The following CAPN2 variants were observed in gnomAD, a reference collection of about 807,000 sequenced individuals.
CAPN2 encodes calpain 2.
Under a neutral mutation model 102.3 loss-of-function variants are expected in CAPN2, and 92 were observed. The ratio of observed to expected loss-of-function variants is 0.90; its 90% CI spans 0.76 to 1.07. CAPN2 has a LOEUF of 1.07. Among genes scored for constraint, CAPN2 ranks in the 50% least tolerant of loss-of-function variants. CAPN2 has a pLI of 0.00. For missense variants in CAPN2, 800 were observed against 909.4 expected, an observed-to-expected ratio of 0.88 and a Z score of 1.55; for synonymous variants, 340 against 355.4, an observed-to-expected ratio of 0.96 and a Z score of 0.49.
intron 18 of CAPN2, chr1:223,770,727 G>A (rs1661451960): frequency 3.1e-5 from 13 of 413,094 alleles, no homozygotes; most frequent in Middle Eastern, 6.6e-4. Flanking sequence ...TGCCCTCTGT[G>A]CCTTCTTGAA....
In CAPN2 at chr1:223,754,705, A is replaced by G. The variant is rs1438325605; in HGVS notation, c.1136-775A>G. ...TAGGTTTTGGAAGTAAAGAGGGCAG[A>G]GACATCAGGAGCAGGGCAAGGGAAT... On this transcript the variant is annotated intron_variant, in intron 9 of 20. Coordinates refer to ENST00000295006, the MANE Select transcript of CAPN2 (RefSeq NM_001748.5). The surrounding 1 kb of genome is among the most constrained non-coding windows in gnomAD (Gnocchi z 4.7). Among the ~76,000 whole-genome samples the G allele has an allele frequency of 3.3e-5, 5 of 152,352 alleles. No individual in the cohort carries two copies. Among genetic ancestry groups the G allele is most frequent in the Non-Finnish European group, 7.3e-5 (5 of 68,028 alleles).
intron 2 of CAPN2, among the ~76,000 whole-genome samples, chr1:223,722,848 A>C (rs1362328904): frequency 6.6e-6 from 1 of 152,124 alleles, no homozygotes; most frequent in Middle Eastern, 3.4e-3. Flanking sequence ...GTTTTCCCCT[A>C]AGGTTCTTTC....
chr1:223,740,422 G>T (rs1660585554), intron 2 of CAPN2, among the ~76,000 whole-genome samples: 1 of 152,162 alleles, frequency 6.6e-6, no homozygotes, highest in African/African-American at 2.4e-5. Context: ...CCACCCTACT[G>T]CTGTGTCCAG....
At chr1:223,741,359 C>T (rs1277823604) in intron 2 of CAPN2, among the ~76,000 whole-genome samples, 1 of 148,856 alleles carries the variant, frequency 6.7e-6, no homozygotes, top group African/African-American at 2.5e-5. Flanking sequence ...GCCTCTACAT[C>T]TCCTTCAACT....
intron 6 of CAPN2, 147 bp downstream of exon 6, chr1:223,749,269 G>C (rs2102800627): frequency 1.5e-6 from 1 of 669,790 alleles, no homozygotes; most frequent in Non-Finnish European, 2.6e-6. Flanking sequence ...CCGCGCGGGA[G>C]GAGAAGGGCG....
intron 17 of CAPN2, 106 bp downstream of exon 17, chr1:223,770,015 T>A: frequency 2.0e-6 from 2 of 985,698 alleles, no homozygotes; most frequent in East Asian, 2.6e-5. Context: ...TCCAAGGGGA[T>A]TGGGATTTTA....
At chr1:223,764,325 C>T in intron 15 of CAPN2, 118 bp downstream of exon 15, 1 of 809,214 alleles carries the variant, frequency 1.2e-6, no homozygotes, top group Non-Finnish European at 2.2e-6. Flanking sequence ...ACCCTCCATC[C>T]CCTCCAAGAA....
Position 223,759,715 on chromosome 1 carries a change from T to A in CAPN2, c.1529+234T>A, listed in dbSNP as rs181834524. On this transcript the variant is annotated intron_variant, in intron 12 of 20. Coordinates refer to ENST00000295006, the MANE Select transcript of CAPN2 (RefSeq NM_001748.5). The surrounding 1 kb of genome is among the most constrained non-coding windows in gnomAD (Gnocchi z 4.6). ...ATATTTTTGGTTGGAAAGGGGTGGC[T>A]GTACAGTGAATTGCAGGGTCTAATT... Among the ~76,000 whole-genome samples, 13 of 152,362 alleles carry A rather than the reference T, an allele frequency of 8.5e-5. No homozygotes were observed. In the East Asian group the frequency reaches 2.5e-3, roughly 29 times the overall value.
chr1:223,747,713 T>C (rs1408259689), intron 5 of CAPN2, among the ~76,000 whole-genome samples: 1 of 152,198 alleles, frequency 6.6e-6, no homozygotes, highest in Non-Finnish European at 1.5e-5. Context: ...GTCCAGACTT[T>C]AGGCAGGTGA....
At chr1:223,718,431 C>T (rs886363046) in intron 2 of CAPN2, among the ~76,000 whole-genome samples, 4 of 152,164 alleles carry the variant, frequency 2.6e-5, no homozygotes, top group East Asian at 1.9e-4. Context: ...TTTCTGGAGC[C>T]GAGTTCAGAT....
chr1:223,752,066 A>G lies in CAPN2; in HGVS notation c.969A>G (p.Glu323=), dbSNP rs1233335643. The G allele has an allele frequency of 6.2e-7, 1 of 1,608,980 alleles. No individual in the cohort carries two copies. The highest frequency in any genetic ancestry group is 2.2e-5 in the East Asian group (1 of 44,846). ...TGACCAGACGGCATGAAGATGGAGA[A>G]TTCTGGTAAGATTAGTGGAGGCTTC... ...ERLTRRHEDG[E]FWMSFSDFLR... Residue 323 remains glutamate (E), a synonymous_variant, in exon 8 of 21, where the codon GAA becomes GAG. Transcript: ENST00000295006.
At position 223,726,917 on chromosome 1, in the gene CAPN2, G is replaced by T. The variant is rs1363236525; in HGVS notation, c.307+9086G>T. 2.6e-5 allele frequency among the ~76,000 whole-genome samples: 4 copies of T among 152,210 alleles called. No individual in the cohort carries two copies. Among genetic ancestry groups the T allele is most frequent in the East Asian group, 3.8e-4 (2 of 5,196 alleles). ...AGCTACCCTCTCGCAGGCCTAGCAC[G>T]CTGGCGGGGTGTGCATTTCCTCTAG... is the stretch of plus-strand genomic sequence containing the variant. On this transcript the variant is annotated intron_variant, in intron 2 of 20. Transcript: ENST00000295006. This position sits in a 1 kb window ranked among gnomAD's most constrained non-coding sequence, Gnocchi z 4.4.
chr1:223,774,929 C>T lies in CAPN2; in HGVS notation c.*72C>T, dbSNP rs188792767. 7.0e-6 allele frequency: 9 copies of T among 1,291,810 alleles called. No homozygotes were observed. The highest frequency in any genetic ancestry group is 1.0e-5 in the Non-Finnish European group (9 of 897,274). The allele number at this position is 1,291,810 out of a possible 1,614,324, so 80.0% of individuals were successfully genotyped here. A position where few individuals can be genotyped will look rare whatever the true frequency, so the allele number is the denominator to read the frequency against. ...CAAGGACTAAGCTTCCATAGAAATACACTTTGTATCTGGACCTCAAAATTA... is the reference window on the plus strand; with the variant it reads ...CAAGGACTAAGCTTCCATAGAAATATACTTTGTATCTGGACCTCAAAATTA... On this transcript the variant is annotated 3_prime_UTR_variant, in exon 21 of 21. Transcript: ENST00000295006.
chr1:223,709,806 T>C (rs1480792912), upstream of CAPN2, among the ~76,000 whole-genome samples: 1 of 152,180 alleles, frequency 6.6e-6, no homozygotes, highest in South Asian at 2.1e-4. Flanking sequence ...AAAAAACTGG[T>C]CTCTCTACAG....
chr1:223,714,020 C>T (rs1432764544), intron 1 of CAPN2, among the ~76,000 whole-genome samples: 1 of 152,220 alleles, frequency 6.6e-6, no homozygotes, highest in East Asian at 1.9e-4. Flanking sequence ...CTGCATGAGG[C>T]CTTCTCACCA....
chr1:223,755,523 G>A lies in CAPN2; in HGVS notation c.1179G>A (p.Glu393=). 6.2e-7 allele frequency: 1 copy of A among 1,613,896 alleles called. No homozygotes were observed. The highest frequency in any genetic ancestry group is 1.3e-5 in the African/African-American group (1 of 75,050). ...MNPQYLIKLE[E]EDEDEEDGES... The stretch of plus-strand genomic sequence containing the variant: ...CTCAGTACCTGATCAAGCTGGAGGA[G>A]GAGGATGAGGACGAGGAGGATGGGG... The change falls in exon 10 of 21, where the codon GAG becomes GAA. Residue 393 remains glutamate, a synonymous_variant. Transcript: ENST00000295006. This position sits in a 1 kb window ranked among gnomAD's most constrained non-coding sequence, Gnocchi z 4.1.
intron 20 of CAPN2, 82 bp from the exon 21 acceptor site, chr1:223,774,752 T>C: frequency 1.6e-6 from 2 of 1,282,720 alleles, no homozygotes; most frequent in Non-Finnish European, 2.3e-6. Flanking sequence ...TACAAGTTTT[T>C]TGGAACAATC....
chr1:223,752,824 T>C lies in CAPN2; in HGVS notation c.1003T>C (p.Tyr335His). 2 of 1,614,178 alleles carry C rather than the reference T, an allele frequency of 1.2e-6. No individual in the cohort carries two copies. Among genetic ancestry groups the C allele is most frequent in the Non-Finnish European group, 1.7e-6 (2 of 1,180,020 alleles). Residue 335 changes from tyrosine to histidine, a missense_variant, in exon 9 of 21, where the codon TAT (tyrosine) becomes CAT (histidine). Physicochemically the swap from Tyr to His is moderately conservative, Grantham distance 83 (BLOSUM62 2). Coordinates refer to ENST00000295006, the MANE Select transcript of CAPN2 (RefSeq NM_001748.5). ...GTCTTTCAGTGACTTCCTGAGGCAC[T>C]ATTCCCGCCTGGAGATCTGTAACCT... ...WMSFSDFLRHYSRLEICNLTP... is the reference protein window; with the variant it reads ...WMSFSDFLRHHSRLEICNLTP...
At chr1:223,729,474 C>T (rs1021666732) in intron 2 of CAPN2, among the ~76,000 whole-genome samples, 1 of 152,098 alleles carries the variant, frequency 6.6e-6, no homozygotes, top group Admixed American at 6.5e-5. Context: ...GTGACCAAAG[C>T]CTGTGACAAA....
Sources: gnomAD v4.1 joint callset for allele counts (sites outside exome capture counted in the v4.1 genomes callset) on GRCh38, gnomAD v4.1.1 for gene constraint, Gnocchi (gnomAD v3.1) non-coding constraint, MANE v1.5 for transcripts, NCBI Gene and HGNC (gene_info 2026-07-23, HGNC 2026-07-21) for gene names.